TUBGCP3: variants seen among roughly 807,000 people sequenced by gnomAD.
TUBGCP3 encodes tubulin gamma complex component 3.
TUBGCP3 carries 50 observed loss-of-function variants against 123.1 expected under a neutral mutation model. That is an observed-to-expected ratio of 0.41 (90% confidence interval 0.32 to 0.51). The LOEUF is 0.51. Among genes scored for constraint, TUBGCP3 ranks in the 20% least tolerant of loss-of-function variants. The probability of loss-of-function intolerance (pLI) is 0.36; values close to 1 mark genes in which losing one functional copy is unlikely to be tolerated. For synonymous variants in TUBGCP3, 405 were observed against 413.9 expected, an observed-to-expected ratio of 0.98 and a Z score of 0.26; for missense variants, 882 against 1,127.0, an observed-to-expected ratio of 0.78 and a Z score of 3.11.
intron 16 of TUBGCP3, 133 bp from the exon 17 acceptor site, chr13:112,516,708 G>C (rs1449370379): frequency 9.3e-7 from 1 of 1,080,448 alleles, no homozygotes; most frequent in African/African-American, 1.6e-5. Context: ...TAAAGTCACA[G>C]TAACAGAAGG....
At chr13:112,500,660 A>C (rs1880842070) in intron 19 of TUBGCP3, among the ~76,000 whole-genome samples, 1 of 152,224 alleles carries the variant, frequency 6.6e-6, no homozygotes, top group South Asian at 2.1e-4. Flanking sequence ...AGAAACCGAG[A>C]TAACAGGAGA....
At chr13:112,491,355 T>C (rs1880092124) in intron 20 of TUBGCP3, among the ~76,000 whole-genome samples, 1 of 152,186 alleles carries the variant, frequency 6.6e-6, no homozygotes, top group Non-Finnish European at 1.5e-5. Context: ...CTAAAATCCA[T>C]GTGCTTTGAC....
chr13:112,571,501 T>C (rs1466509999), intron 1 of TUBGCP3, among the ~76,000 whole-genome samples: 2 of 151,896 alleles, frequency 1.3e-5, no homozygotes, highest in African/African-American at 2.4e-5. Context: ...ACAGGAAGAG[T>C]AGATTTAGCA....
Position 112,545,950 on chromosome 13 carries a change from C to A in TUBGCP3, c.1169-85G>T. On this transcript the variant is annotated intron_variant, in intron 10 of 21. Coordinates refer to ENST00000261965, the MANE Select transcript of TUBGCP3 (RefSeq NM_006322.6). The surrounding 1 kb of genome is among the most constrained non-coding windows in gnomAD (Gnocchi z 4.1). ...AGTCACTTCTCACCAACCAAAGACG[C>A]CCAAGTAATTGAGATAAAGAGCATT... 5.5e-6 allele frequency: 8 copies of A among 1,467,814 alleles called. No homozygotes were observed. The South Asian group carries it at 8.5e-5, about 16-fold the overall frequency. The allele number at this position is 1,467,814 out of a possible 1,614,324, so 90.9% of individuals were successfully genotyped here.
At chr13:112,552,068 G>A (rs1002884283) in intron 8 of TUBGCP3, among the ~76,000 whole-genome samples, 1 of 152,168 alleles carries the variant, frequency 6.6e-6, no homozygotes, top group East Asian at 1.9e-4. Context: ...ATGCCTGCTC[G>A]CCCTCCACTC....
At chr13:112,521,443 G>A (rs942233794) in intron 14 of TUBGCP3, among the ~76,000 whole-genome samples, 2 of 152,158 alleles carry the variant, frequency 1.3e-5, no homozygotes, top group Non-Finnish European at 2.9e-5. Context: ...CACAAACGCA[G>A]CATCACCAGC....
chr13:112,597,508 C>T, the TUBGCP3 span, among the ~76,000 whole-genome samples: 1 of 152,014 alleles, frequency 6.6e-6, no homozygotes. Context: ...CCAAGAGAAA[C>T]AACAGAAAAC....
rs143694228 is a variant in TUBGCP3, at chr13:112,511,282, G to A, written c.2086+5158C>T. 6.6e-6 allele frequency among the ~76,000 whole-genome samples: 1 copy of A among 152,124 alleles called. No homozygotes were observed. Among genetic ancestry groups the A allele is most frequent in the African/African-American group, 2.4e-5 (1 of 41,424 alleles). On this transcript the variant is annotated intron_variant, in intron 17 of 21. Transcript: ENST00000261965. The surrounding 1 kb of genome is among the most constrained non-coding windows in gnomAD (Gnocchi z 4.1). ...TGGCCCGCGGGCACCTGCCTTTCCT[G>A]GTAAGATAAAATCTGCGGTGCTGCT...
intron 1 of TUBGCP3, among the ~76,000 whole-genome samples, chr13:112,573,048 G>A (rs548706351): frequency 2.0e-5 from 3 of 151,644 alleles, no homozygotes; most frequent in Non-Finnish European, 4.4e-5. Context: ...AACAGGTATC[G>A]CCAGATACCT....
chr13:112,495,625 T>C (rs927735641), intron 20 of TUBGCP3, among the ~76,000 whole-genome samples: 3 of 152,222 alleles, frequency 2.0e-5, no homozygotes, highest in Admixed American at 2.0e-4. Context: ...TAACACATTA[T>C]CATGTTGATC....
rs116573859 is a variant in TUBGCP3, at chr13:112,533,199, C to T, written c.1336-5715G>A. The stretch of plus-strand genomic sequence containing the variant: ...CAGGAGCCCAACGCAAGGAAGTCCC[C>T]GAGGAATAGCAGTAGGCTCTGGGCA... On this transcript the variant is annotated intron_variant, in intron 11 of 21. Transcript: ENST00000261965. Among the ~76,000 whole-genome samples the T allele has an allele frequency of 7.0e-3, 1,073 of 152,330 alleles. 14 individuals carry two copies. Among genetic ancestry groups the T allele is most frequent in the African/African-American group, 0.024 (1,008 of 41,564 alleles).
In TUBGCP3 at chr13:112,499,749, G is replaced by A. The variant is rs564374841; in HGVS notation, c.2308-564C>T. 5.3e-5 allele frequency among the ~76,000 whole-genome samples: 8 copies of A among 152,260 alleles called. No individual in the cohort carries two copies. The East Asian group carries it at 5.8e-4, about 11-fold the overall frequency. ...TTAACATGAGGAAAAAACTCCTAAT[G>A]TTTTAAACAAATATCAGTGTCACAG... On this transcript the variant is annotated intron_variant, in intron 19 of 21. Transcript: ENST00000261965.
At position 112,527,397 on chromosome 13, in the gene TUBGCP3, T is replaced by C. The variant is rs1056061529; in HGVS notation, c.1423A>G (p.Met475Val). The stretch of plus-strand genomic sequence containing the variant: ...ACCTTCCTAGACTGATCCATCGTCA[T>C]AAACGAAGGAATCATCGATTTCCTC... ...TLRKSMIPSF[M>V]TMDQSRKVLL... Residue 475 changes from methionine (M) to valine (V), a missense_variant, in exon 12 of 22, where the codon ATG becomes GTG. Physicochemically the swap from Met to Val is conservative, Grantham distance 21. This residue lies in a region of TUBGCP3 where 713 missense variants were observed against 874.0 expected (regional missense o/e 0.82). Transcript: ENST00000261965. 3.1e-6 allele frequency: 5 copies of C among 1,590,358 alleles called. No individual in the cohort carries two copies. The African/African-American group carries it at 6.8e-5, about 22-fold the overall frequency.
intron 1 of TUBGCP3, among the ~76,000 whole-genome samples, chr13:112,575,380 T>C (rs1000251784): frequency 6.6e-6 from 1 of 152,124 alleles, no homozygotes; most frequent in African/African-American, 2.4e-5. Context: ...CACAAAATGA[T>C]AAAAGGGCAA....
At chr13:112,584,695 TTATCTAA>T (rs1405116767) in intron 1 of TUBGCP3, among the ~76,000 whole-genome samples, 2 of 152,230 alleles carry the variant, frequency 1.3e-5, no homozygotes, top group Non-Finnish European at 2.9e-5. Context: ...GATGAAATAC[TTATCTAA>T]TATAAATTCC....
At chr13:112,488,091 C>T (rs577230149) in intron 21 of TUBGCP3, among the ~76,000 whole-genome samples, 1 of 146,464 alleles carries the variant, frequency 6.8e-6, no homozygotes, top group East Asian at 2.0e-4. Flanking sequence ...AAGATCACAC[C>T]ACTGCACTGC....
At chr13:112,603,770 G>C in the TUBGCP3 span, 1 of 152,124 alleles carries the variant, frequency 6.6e-6, no homozygotes, top group Non-Finnish European at 1.5e-5. Context: ...AATTTATCAT[G>C]CCTAGCATTT....
intron 13 of TUBGCP3, among the ~76,000 whole-genome samples, 155 bp from the exon 14 acceptor site, chr13:112,522,664 A>G (rs1876721161): frequency 6.6e-6 from 1 of 152,178 alleles, no homozygotes; most frequent in South Asian, 2.1e-4. Context: ...ACATTCCACA[A>G]AGGAGACCAG....
At chr13:112,596,516 T>C in the TUBGCP3 span, among the ~76,000 whole-genome samples, 2 of 152,194 alleles carry the variant, frequency 1.3e-5, no homozygotes, top group Non-Finnish European at 2.9e-5. Flanking sequence ...TCTGGCTGTT[T>C]TCAATATTTT....
Sources: allele counts gnomAD v4.1 joint callset (sites outside exome capture counted in the v4.1 genomes callset), GRCh38; gene constraint gnomAD v4.1.1; regional missense constraint gnomAD v4.1.1; non-coding constraint Gnocchi (gnomAD v3.1); transcripts MANE v1.5; gene names NCBI Gene and HGNC (gene_info 2026-07-23, HGNC 2026-07-21).